The following VIL1 variants were observed in gnomAD, a reference collection of about 807,000 sequenced individuals.
VIL1 encodes villin-1.
A neutral mutation model predicts 104.0 loss-of-function variants in VIL1; 86 were observed. The observed-to-expected ratio is 0.83, with a 90% confidence interval of 0.69 to 0.99. The LOEUF is 0.99. Ranked by LOEUF, VIL1 falls within the 50% of genes least tolerant of loss-of-function variation. The pLI is 0.00. For synonymous variants in VIL1, 394 were observed against 412.6 expected, an observed-to-expected ratio of 0.95 and a Z score of 0.55; for missense variants, 944 against 1,054.1, an observed-to-expected ratio of 0.90 and a Z score of 1.45.
chr2:218,439,806 G>C (rs1172372162), intron 18 of VIL1, among the ~76,000 whole-genome samples: 1 of 112,106 alleles, frequency 8.9e-6, no homozygotes. Flanking sequence ...AACAGAGTCA[G>C]ACCCTGTCTC....
intron 3 of VIL1, 142 bp from the exon 4 acceptor site, chr2:218,425,473 G>A (rs904971914): frequency 2.8e-6 from 2 of 719,490 alleles, no homozygotes; most frequent in Non-Finnish European, 2.3e-6. Flanking sequence ...CATGACTCAG[G>A]GCTCCTAACC....
intron 10 of VIL1, among the ~76,000 whole-genome samples, chr2:218,431,604 T>C (rs1689099647): frequency 6.6e-6 from 1 of 152,070 alleles, no homozygotes; most frequent in South Asian, 2.1e-4. Flanking sequence ...AGGACGTAGA[T>C]CAACAAAGCT....
At chr2:218,437,360 T>G (rs1439167112) in intron 17 of VIL1, 48 bp downstream of exon 17, 1 of 1,590,694 alleles carries the variant, frequency 6.3e-7, no homozygotes, top group Non-Finnish European at 8.6e-7. Flanking sequence ...TGCCTGGAGA[T>G]CAGTGCTGAT....
chr2:218,436,511 C>T lies in VIL1; in HGVS notation c.1856C>T (p.Pro619Leu), dbSNP rs150927922. The part of the protein sequence containing the change: ...RLQEENLVIT[P>L]RLFECSNKTG... ...CAGGAAGAAAACCTGGTCATCACCC[C>T]CCGGCTCTTTGAGTGTTCCAACAAG... is the stretch of plus-strand genomic sequence containing the variant. The change falls in exon 16 of 20, where the codon CCC (proline) becomes CTC (leucine). Residue 619 changes from proline to leucine, a missense_variant. By Grantham distance (98) the Pro-to-Leu change is moderately conservative. Transcript: ENST00000248444. 5.6e-6 allele frequency: 9 copies of T among 1,613,972 alleles called. No homozygotes were observed. Among genetic ancestry groups the T allele is most frequent in the Non-Finnish European group, 7.6e-6 (9 of 1,180,036 alleles).
intron 9 of VIL1, among the ~76,000 whole-genome samples, chr2:218,430,491 C>G (rs1689075703): frequency 1.3e-5 from 2 of 151,972 alleles, no homozygotes; most frequent in Non-Finnish European, 2.9e-5. Flanking sequence ...AAGCTGAGGT[C>G]AGAGTGAGTC....
intron 17 of VIL1, among the ~76,000 whole-genome samples, chr2:218,438,443 C>T (rs1689231113): frequency 6.6e-6 from 1 of 152,252 alleles, no homozygotes; most frequent in Non-Finnish European, 1.5e-5. Flanking sequence ...ATAGCCTGCG[C>T]TCCACTTTTC....
chr2:218,428,198 G>C (rs1283090141), intron 5 of VIL1, 29 bp from the exon 6 acceptor site: 1 of 1,609,274 alleles, frequency 6.2e-7, no homozygotes, highest in East Asian at 2.2e-5. Flanking sequence ...GCTCTGAGTG[G>C]GGTCTGTGCC....
intron 15 of VIL1, 60 bp from the exon 16 acceptor site, chr2:218,436,419 GTCC>G: frequency 6.3e-7 from 1 of 1,574,812 alleles, no homozygotes; most frequent in South Asian, 1.2e-5. Context: ...AGAGTTCTGT[GTCC>G]TCAATTCTCC....
chr2:218,441,420 G>A (rs892355306), intron 19 of VIL1, among the ~76,000 whole-genome samples: 4 of 152,008 alleles, frequency 2.6e-5, no homozygotes, highest in African/African-American at 9.7e-5. Flanking sequence ...ATTACAAAGA[G>A]GAGCCTGATT....
In VIL1 at chr2:218,434,498, T is replaced by C. The variant is rs755935975; in HGVS notation, c.1501-28T>C. 3.8e-6 allele frequency: 6 copies of C among 1,589,988 alleles called. No homozygotes were observed. The African/African-American group carries it at 8.1e-5, about 21-fold the overall frequency. ...CTTTACTAAGTGACTCCTGACTCTCTCTCCCTGTCTTCTGCCCTCACCTGC... is the reference window on the plus strand; with the variant it reads ...CTTTACTAAGTGACTCCTGACTCTCCCTCCCTGTCTTCTGCCCTCACCTGC... On this transcript the variant is annotated intron_variant, in intron 13 of 19. Transcript: ENST00000248444.
intron 18 of VIL1, among the ~76,000 whole-genome samples, chr2:218,440,461 G>A (rs896331532): frequency 3.9e-5 from 6 of 152,060 alleles, no homozygotes; most frequent in African/African-American, 1.2e-4. Flanking sequence ...GTAGAGATGC[G>A]GTTTCACCAT....
At chr2:218,442,476 CT>C (rs1559150506) in intron 19 of VIL1, among the ~76,000 whole-genome samples, 1 of 151,938 alleles carries the variant, frequency 6.6e-6, no homozygotes, top group Non-Finnish European at 1.5e-5. Flanking sequence ...GGGCTGGACA[CT>C]TTTTTTTAAA....
rs774878872 is a variant in VIL1, at chr2:218,424,318, C to T, written c.117C>T (p.Ser39=). The T allele has an allele frequency of 5.0e-6, 8 of 1,613,964 alleles. No individual in the cohort carries two copies. The highest frequency in any genetic ancestry group is 1.3e-5 in the African/African-American group (1 of 74,916). Residue 39 remains serine (S), a synonymous_variant, in exon 3 of 20, where the codon AGC becomes AGT. Transcript: ENST00000248444. The part of the protein sequence containing the change: ...MVPVPSSTFG[S]FFDGDCYIIL... ...CTGTTCCTTCCAGCACCTTTGGAAG[C>T]TTCTTCGATGGTGACTGCTACATCA...
rs763899847 is a variant in VIL1 at position 218,435,269 on chromosome 2, C to T, written c.1681-20C>T. ...AGGTAGGGGTGGCACTAGAAATTAG[C>T]CAACTCTTTTTTTTCCTAGGGTTGT... On this transcript the variant is annotated intron_variant, in intron 14 of 19. Coordinates refer to ENST00000248444, the MANE Select transcript of VIL1 (RefSeq NM_007127.3). 1.2e-6 allele frequency: 2 copies of T among 1,610,024 alleles called. No individual in the cohort carries two copies. The highest frequency in any genetic ancestry group is 1.7e-5 in the Admixed American group (1 of 59,788).
At chr2:218,432,413 T>G (rs1689115112) in intron 12 of VIL1, 1 of 753,870 alleles carries the variant, frequency 1.3e-6, no homozygotes, top group Admixed American at 2.0e-5. Flanking sequence ...CTGCACATTC[T>G]TGTCACCTGC....
intron 14 of VIL1, 137 bp downstream of exon 14, chr2:218,434,842 C>T (rs1689160760): frequency 1.5e-5 from 13 of 842,450 alleles, no homozygotes; most frequent in Non-Finnish European, 2.0e-5. Flanking sequence ...GCCTCTGGAG[C>T]CCAGTCTCTC....
At chr2:218,434,841 GC>G in intron 14 of VIL1, 136 bp downstream of exon 14, 1 of 902,390 alleles carries the variant, frequency 1.1e-6, no homozygotes, top group Non-Finnish European at 1.7e-6. Flanking sequence ...CGCCTCTGGA[GC>G]CCAGTCTCTC....
intron 9 of VIL1, among the ~76,000 whole-genome samples, 182 bp downstream of exon 9, chr2:218,430,129 CAT>C (rs1484565415): frequency 1.3e-5 from 2 of 152,192 alleles, no homozygotes; most frequent in Non-Finnish European, 2.9e-5. Context: ...CCTGAGGGGC[CAT>C]TCTGTGGTCA....
At chr2:218,423,187 G>A (rs1400207070) in intron 1 of VIL1, among the ~76,000 whole-genome samples, 1 of 152,220 alleles carries the variant, frequency 6.6e-6, no homozygotes, top group Non-Finnish European at 1.5e-5. Flanking sequence ...CCTGAGGTCA[G>A]GAGTTTGAGA....
Sources: allele counts gnomAD v4.1 joint callset (sites outside exome capture counted in the v4.1 genomes callset), GRCh38; gene constraint gnomAD v4.1.1; transcripts MANE v1.5; gene names NCBI Gene and HGNC (gene_info 2026-07-23, HGNC 2026-07-21).